The following SGCZ variants were observed in gnomAD, a reference collection of about 807,000 sequenced individuals.
SGCZ encodes the protein sarcoglycan zeta.
SGCZ carries 40 observed loss-of-function variants against 41.3 expected under a neutral mutation model. The observed-to-expected ratio is 0.97, with a 90% CI of 0.75 to 1.26. SGCZ has a LOEUF of 1.26. Among genes scored for constraint, SGCZ ranks in the 50% most tolerant of loss-of-function variants. The pLI is 0.00. For synonymous variants in SGCZ, 206 were observed against 137.5 expected, an observed-to-expected ratio of 1.50 and a Z score of -3.49; for missense variants, 552 against 369.8, an observed-to-expected ratio of 1.49 and a Z score of -4.04.
At chr8:14,351,980 CT>C (rs1803114689) in intron 2 of SGCZ, among the ~76,000 whole-genome samples, 2 of 152,004 alleles carry the variant, frequency 1.3e-5, no homozygotes, top group African/African-American at 4.8e-5. Flanking sequence ...CCTCGATGTC[CT>C]TTTACAATTA....
At chr8:14,632,331 C>T (rs112536033) in intron 1 of SGCZ, among the ~76,000 whole-genome samples, 1,530 of 152,080 alleles carry the variant, frequency 0.01, 21 homozygotes, top group African/African-American at 0.034. Flanking sequence ...ACAGTGCTTA[C>T]ATTATAATCT....
At chr8:14,721,171 T>C (rs779153925) in intron 1 of SGCZ, among the ~76,000 whole-genome samples, 9 of 152,170 alleles carry the variant, frequency 5.9e-5, no homozygotes, top group Non-Finnish European at 8.8e-5. Context: ...GAAAGTTCAG[T>C]CCCTGAACCT....
chr8:14,815,542 G>C (rs1801878354), intron 1 of SGCZ, among the ~76,000 whole-genome samples: 1 of 152,058 alleles, frequency 6.6e-6, no homozygotes, highest in South Asian at 2.1e-4. Context: ...GAATTCTTTA[G>C]ACATTGTCTG....
At chr8:14,433,830 A>G (rs1244319992) in intron 2 of SGCZ, among the ~76,000 whole-genome samples, 1 of 152,190 alleles carries the variant, frequency 6.6e-6, no homozygotes, top group Non-Finnish European at 1.5e-5. Flanking sequence ...TTTGGAAAAC[A>G]CTGGATTCAT....
intron 1 of SGCZ, among the ~76,000 whole-genome samples, chr8:14,663,989 G>A (rs1396692824): frequency 6.6e-6 from 1 of 152,086 alleles, no homozygotes; most frequent in African/African-American, 2.4e-5. Flanking sequence ...ATTCTACTGT[G>A]TCAGACAGAG....
intron 2 of SGCZ, among the ~76,000 whole-genome samples, chr8:14,368,390 A>G (rs772788532): frequency 2.0e-5 from 3 of 152,180 alleles, no homozygotes; most frequent in Admixed American, 6.6e-5. Flanking sequence ...AATGGCATAC[A>G]TTATCCGTTA....
At chr8:15,096,564 T>C (rs1196461040) in intron 1 of SGCZ, among the ~76,000 whole-genome samples, 1 of 152,202 alleles carries the variant, frequency 6.6e-6, no homozygotes, top group African/African-American at 2.4e-5. Context: ...CTTCCACCTA[T>C]GAAGCACAGG....
intron 5 of SGCZ, among the ~76,000 whole-genome samples, chr8:14,124,636 A>G (rs1802797819): frequency 6.6e-6 from 1 of 152,204 alleles, no homozygotes; most frequent in Non-Finnish European, 1.5e-5. Flanking sequence ...GCATATCTTA[A>G]GTTTCCAATT....
At chr8:14,928,219 G>A (rs1242093386) in intron 1 of SGCZ, among the ~76,000 whole-genome samples, 1 of 152,156 alleles carries the variant, frequency 6.6e-6, no homozygotes, top group Non-Finnish European at 1.5e-5. Context: ...CAAGAATGAA[G>A]ACTGATTACA....
chr8:14,166,113 G>C (rs555245037), intron 4 of SGCZ, among the ~76,000 whole-genome samples: 1 of 152,040 alleles, frequency 6.6e-6, no homozygotes, highest in South Asian at 2.1e-4. Context: ...ATAAAAATTT[G>C]AAAAGCTTCA....
chr8:14,703,013 C>A (rs1809219591), intron 1 of SGCZ, among the ~76,000 whole-genome samples: 1 of 151,822 alleles, frequency 6.6e-6, no homozygotes, highest in African/African-American at 2.4e-5. Context: ...ACAATTCTTA[C>A]CTCCTCCATT....
At chr8:14,957,750 A>G (rs1563390812) in intron 1 of SGCZ, among the ~76,000 whole-genome samples, 1 of 152,072 alleles carries the variant, frequency 6.6e-6, no homozygotes. Context: ...GTGAATATAC[A>G]TTCATGATGG....
intron 1 of SGCZ, among the ~76,000 whole-genome samples, chr8:14,956,039 CTTT>C (rs71884770): frequency 1.2e-4 from 14 of 120,184 alleles, no homozygotes; most frequent in East Asian, 4.7e-4. Context: ...ACTACTTTTA[CTTT>C]TTTTTTTTTT....
intron 1 of SGCZ, among the ~76,000 whole-genome samples, chr8:14,776,326 C>A (rs771109959): frequency 2.6e-5 from 4 of 151,926 alleles, no homozygotes; most frequent in African/African-American, 7.3e-5. Context: ...CTCATGAGAT[C>A]TAATGGTTTT....
At chr8:14,511,837 T>C (rs1452341322) in intron 2 of SGCZ, among the ~76,000 whole-genome samples, 3 of 152,136 alleles carry the variant, frequency 2.0e-5, no homozygotes, top group African/African-American at 7.2e-5. Context: ...GCTTGTTGTT[T>C]TTAACTCTTA....
intron 1 of SGCZ, among the ~76,000 whole-genome samples, chr8:15,162,787 T>G (rs1799547632): frequency 6.6e-6 from 1 of 152,218 alleles, no homozygotes; most frequent in Admixed American, 6.5e-5. Context: ...ATCTTACCTC[T>G]AAAGAGTTCT....
chr8:14,757,455 A>T (rs1030197499), intron 1 of SGCZ, among the ~76,000 whole-genome samples: 1 of 152,204 alleles, frequency 6.6e-6, no homozygotes, highest in Admixed American at 6.5e-5. Context: ...TGATAGAACC[A>T]CTACCGATGC....
chr8:14,171,165 A>C (rs1804368559), intron 4 of SGCZ, among the ~76,000 whole-genome samples: 1 of 143,940 alleles, frequency 6.9e-6, no homozygotes, highest in African/African-American at 2.5e-5. Context: ...AAAAAAAAAA[A>C]AACTAACACC....
At chr8:14,745,762 A>C (rs1270869600) in intron 1 of SGCZ, among the ~76,000 whole-genome samples, 1 of 152,018 alleles carries the variant, frequency 6.6e-6, no homozygotes, top group African/African-American at 2.4e-5. Flanking sequence ...GGCATGGGGA[A>C]AGAGGAAAAA....
Sources: gnomAD v4.1 joint callset for allele counts (sites outside exome capture counted in the v4.1 genomes callset) on GRCh38, gnomAD v4.1.1 for gene constraint, MANE v1.5 for transcripts, NCBI Gene and HGNC (gene_info 2026-07-23, HGNC 2026-07-21) for gene names.